Variants in WWOX observed in about 807,000 individuals in gnomAD.
WWOX encodes the protein WW domain-containing oxidoreductase.
WWOX carries 69 observed loss-of-function variants against 46.2 expected under a neutral mutation model. That is an observed-to-expected ratio of 1.49 (90% CI 1.23 to 1.82). The LOEUF is 1.82. Ranked by LOEUF, WWOX falls within the 40% of genes most tolerant of loss-of-function variation. The pLI is 0.00. For missense variants in WWOX, 919 were observed against 542.6 expected, an observed-to-expected ratio of 1.69 and a Z score of -6.89; for synonymous variants, 359 against 202.6, an observed-to-expected ratio of 1.77 and a Z score of -6.56.
intron 5 of WWOX, among the ~76,000 whole-genome samples, chr16:78,192,884 T>G: frequency 6.6e-6 from 1 of 152,252 alleles, no homozygotes; most frequent in East Asian, 1.9e-4. Flanking sequence ...CTCAGTCGAT[T>G]GACAAGGATG....
chr16:78,650,429 T>TC (rs1309842527), intron 8 of WWOX, among the ~76,000 whole-genome samples: 3 of 152,162 alleles, frequency 2.0e-5, no homozygotes, highest in Non-Finnish European at 4.4e-5. Context: ...GAAATTGGTG[T>TC]CCGTGTGCCT....
chr16:78,353,538 C>G (rs910931229), intron 5 of WWOX, among the ~76,000 whole-genome samples: 2 of 152,190 alleles, frequency 1.3e-5, no homozygotes, highest in African/African-American at 2.4e-5. Flanking sequence ...GATTAGCAAG[C>G]CAAAGACTTT....
chr16:78,135,732 A>G (rs1281769632), intron 4 of WWOX, among the ~76,000 whole-genome samples: 1 of 152,174 alleles, frequency 6.6e-6, no homozygotes, highest in Non-Finnish European at 1.5e-5. Flanking sequence ...AACACCTTCC[A>G]CTAAAACTGA....
intron 8 of WWOX, among the ~76,000 whole-genome samples, chr16:78,818,911 A>G (rs1231593492): frequency 4.6e-5 from 7 of 152,264 alleles, no homozygotes; most frequent in Non-Finnish European, 4.4e-5. Flanking sequence ...GCTTAAGAGC[A>G]GAGTCAGGAA....
intron 5 of WWOX, among the ~76,000 whole-genome samples, chr16:78,273,363 G>C (rs2076879192): frequency 6.6e-6 from 1 of 151,152 alleles, no homozygotes; most frequent in Non-Finnish European, 1.5e-5. Context: ...ACTCAGAATA[G>C]ATCACTTTTT....
chr16:78,660,617 C>T (rs781522236), intron 8 of WWOX, among the ~76,000 whole-genome samples: 1 of 152,092 alleles, frequency 6.6e-6, no homozygotes, highest in Non-Finnish European at 1.5e-5. Context: ...GCTCCCTACT[C>T]ACTTGGGGGA....
chr16:78,853,453 C>G (rs899134666), intron 8 of WWOX, among the ~76,000 whole-genome samples: 4 of 152,046 alleles, frequency 2.6e-5, no homozygotes, highest in African/African-American at 9.7e-5. Flanking sequence ...TTGTGGTTAT[C>G]ATTATTTATT....
intron 8 of WWOX, among the ~76,000 whole-genome samples, chr16:78,980,283 C>T (rs770442197): frequency 7.9e-5 from 12 of 152,144 alleles, no homozygotes; most frequent in Non-Finnish European, 1.2e-4. Context: ...GATGGAAAAA[C>T]TAAGGTAGTT....
At chr16:78,847,832 C>T (rs1458170348) in intron 8 of WWOX, among the ~76,000 whole-genome samples, 1 of 152,082 alleles carries the variant, frequency 6.6e-6, no homozygotes, top group South Asian at 2.1e-4. Flanking sequence ...CAACACCTGT[C>T]CTGTATGACT....
chr16:78,225,900 T>A (rs2037038383), intron 5 of WWOX, among the ~76,000 whole-genome samples: 1 of 152,214 alleles, frequency 6.6e-6, no homozygotes, highest in Non-Finnish European at 1.5e-5. Context: ...GACTCCCTTC[T>A]ATTCTACATC....
intron 1 of WWOX, among the ~76,000 whole-genome samples, chr16:78,105,744 A>C (rs1049494464): frequency 6.6e-6 from 1 of 152,138 alleles, no homozygotes; most frequent in Non-Finnish European, 1.5e-5. Flanking sequence ...GGCTCTTTCT[A>C]TGCCAGCCTG....
At chr16:78,603,514 G>C (rs1361630709) in intron 8 of WWOX, among the ~76,000 whole-genome samples, 1 of 152,150 alleles carries the variant, frequency 6.6e-6, no homozygotes, top group Non-Finnish European at 1.5e-5. Context: ...GGCCAACATG[G>C]TGAAACCCCA....
At chr16:78,354,609 T>C (rs2081248060) in intron 5 of WWOX, among the ~76,000 whole-genome samples, 1 of 152,204 alleles carries the variant, frequency 6.6e-6, no homozygotes, top group Non-Finnish European at 1.5e-5. Flanking sequence ...TATCACATTT[T>C]ATTCTTAAGC....
chr16:78,995,453 T>C (rs1238558145), intron 8 of WWOX, among the ~76,000 whole-genome samples: 1 of 152,166 alleles, frequency 6.6e-6, no homozygotes, highest in African/African-American at 2.4e-5. Flanking sequence ...AAGAATGGTT[T>C]CTTCACAGTG....
chr16:78,562,360 C>G (rs150475540), intron 8 of WWOX, among the ~76,000 whole-genome samples: 1 of 152,172 alleles, frequency 6.6e-6, no homozygotes, highest in Non-Finnish European at 1.5e-5. Context: ...TTGTGTGTTA[C>G]TATACGATCT....
intron 8 of WWOX, among the ~76,000 whole-genome samples, chr16:79,190,342 G>GAA (rs1287575402): frequency 1.3e-5 from 2 of 149,148 alleles, no homozygotes; most frequent in Non-Finnish European, 3.0e-5. Context: ...CTTTTTTATG[G>GAA]AAAAAAAAAA....
chr16:79,054,871 T>A (rs73570849), intron 8 of WWOX, among the ~76,000 whole-genome samples: 1 of 152,142 alleles, frequency 6.6e-6, no homozygotes, highest in African/African-American at 2.4e-5. Flanking sequence ...GAAAATTAAC[T>A]GAAGAAATTG....
At chr16:78,741,416 C>G (rs1350790058) in intron 8 of WWOX, among the ~76,000 whole-genome samples, 2 of 152,032 alleles carry the variant, frequency 1.3e-5, no homozygotes, top group East Asian at 3.9e-4. Context: ...CAAAAAATAG[C>G]TGGCGTGGTG....
At chr16:78,722,698 GTTTTTTTTT>G (rs56266240) in intron 8 of WWOX, among the ~76,000 whole-genome samples, 55 of 116,296 alleles carry the variant, frequency 4.7e-4, no homozygotes, top group Admixed American at 1.6e-3. Flanking sequence ...GTTTGTCTCT[GTTTTTTTTT>G]TTTTTTTTTT....
Sources: gnomAD v4.1 joint callset for allele counts (sites outside exome capture counted in the v4.1 genomes callset) on GRCh38, gnomAD v4.1.1 for gene constraint, MANE v1.5 for transcripts, NCBI Gene and HGNC (gene_info 2026-07-23, HGNC 2026-07-21) for gene names.